The following TMEM135 variants were observed in gnomAD, a reference collection of about 807,000 sequenced individuals.
The protein encoded by TMEM135 is peroxisomal membrane protein 52.
In TMEM135, 30 loss-of-function variants were observed where a neutral mutation model predicts 60.3. That is an observed-to-expected ratio of 0.50 (90% CI 0.37 to 0.68). TMEM135 has a LOEUF of 0.68. Ranked by LOEUF, TMEM135 falls within the 30% of genes least tolerant of loss-of-function variation. The pLI is 0.00. For synonymous variants in TMEM135, 190 were observed against 186.7 expected, an observed-to-expected ratio of 1.02 and a Z score of -0.14; for missense variants, 468 against 548.8, an observed-to-expected ratio of 0.85 and a Z score of 1.47.
intron 1 of TMEM135, among the ~76,000 whole-genome samples, chr11:87,062,663 C>G (rs1172172479): frequency 6.7e-6 from 1 of 149,446 alleles, no homozygotes; most frequent in Non-Finnish European, 1.5e-5. Context: ...TGGGATTTCA[C>G]CATCTTGGCC....
chr11:87,223,954 G>C (rs1940710443), intron 5 of TMEM135, among the ~76,000 whole-genome samples: 1 of 152,278 alleles, frequency 6.6e-6, no homozygotes, highest in East Asian at 1.9e-4. Flanking sequence ...AGAGGAATTT[G>C]CAGCTGGATA....
At chr11:87,105,193 G>A (rs780398442) in intron 4 of TMEM135, among the ~76,000 whole-genome samples, 2 of 152,170 alleles carry the variant, frequency 1.3e-5, no homozygotes, top group Non-Finnish European at 2.9e-5. Flanking sequence ...CTGCTAATGT[G>A]GCATATCACA....
chr11:87,265,449 A>T (rs1245122173), intron 6 of TMEM135, among the ~76,000 whole-genome samples: 1 of 151,964 alleles, frequency 6.6e-6, no homozygotes, highest in African/African-American at 2.4e-5. Context: ...TTACATATAA[A>T]TTGAGTCTAT....
At chr11:87,042,610 G>C (rs1198825692) in intron 1 of TMEM135, among the ~76,000 whole-genome samples, 2 of 151,988 alleles carry the variant, frequency 1.3e-5, no homozygotes. Context: ...TTCATTTTGT[G>C]GTATTGTATT....
chr11:87,229,315 A>G (rs1940836025), intron 5 of TMEM135, among the ~76,000 whole-genome samples: 1 of 152,014 alleles, frequency 6.6e-6, no homozygotes, highest in South Asian at 2.1e-4. Context: ...AGTTTAACCA[A>G]CCAACCAGCC....
intron 4 of TMEM135, among the ~76,000 whole-genome samples, chr11:87,153,497 T>C (rs376559131): frequency 3.5e-4 from 54 of 152,360 alleles, no homozygotes; most frequent in African/African-American, 1.3e-3. Flanking sequence ...GCTATTCACT[T>C]TCTGGTTTCA....
chr11:87,160,807 A>T (rs752863598), intron 5 of TMEM135, among the ~76,000 whole-genome samples: 1 of 152,222 alleles, frequency 6.6e-6, no homozygotes, highest in South Asian at 2.1e-4. Flanking sequence ...ATGTTTAACT[A>T]TGGTGATGTT....
intron 5 of TMEM135, among the ~76,000 whole-genome samples, chr11:87,172,057 A>G (rs75727467): frequency 0.021 from 3,179 of 152,180 alleles, 35 homozygotes; most frequent in South Asian, 0.032. Flanking sequence ...CCTGTGCTTA[A>G]TTAAGCCTTT....
intron 10 of TMEM135, among the ~76,000 whole-genome samples, chr11:87,311,927 T>G (rs1183690193): frequency 6.6e-6 from 1 of 151,912 alleles, no homozygotes; most frequent in Non-Finnish European, 1.5e-5. Context: ...AAATTATTGT[T>G]TGATGTTATA....
chr11:87,269,361 A>G (rs979996893), intron 6 of TMEM135, among the ~76,000 whole-genome samples: 2 of 134,112 alleles, frequency 1.5e-5, no homozygotes, highest in African/African-American at 5.7e-5. Flanking sequence ...AATTATTATC[A>G]TACTTTAAGT....
Position 87,327,976 on chromosome 11 carries a change from C to G in TMEM135, c.*6643C>G, listed in dbSNP as rs904753950. ...GAGGGCAGATCTTCTCTGCCTAGTCCACGCTAACTCACATGCCAATCTCCT... is the reference window on the plus strand; with the variant it reads ...GAGGGCAGATCTTCTCTGCCTAGTCGACGCTAACTCACATGCCAATCTCCT... On this transcript the variant is annotated 3_prime_UTR_variant, in exon 15 of 15. Coordinates refer to ENST00000305494, the MANE Select transcript of TMEM135 (RefSeq NM_022918.4). 4.4e-6 allele frequency: 2 copies of G among 453,888 alleles called. No homozygotes were observed. The highest frequency in any genetic ancestry group is 2.0e-5 in the African/African-American group (1 of 49,966). The allele number at this position is 453,888 out of a possible 1,614,324, so 28.1% of individuals were successfully genotyped here.
chr11:87,138,072 A>G (rs1938153229), intron 4 of TMEM135, among the ~76,000 whole-genome samples: 1 of 150,190 alleles, frequency 6.7e-6, no homozygotes, highest in Non-Finnish European at 1.5e-5. Context: ...GATGTTTAAA[A>G]AGACCAAGTT....
intron 5 of TMEM135, among the ~76,000 whole-genome samples, chr11:87,169,115 A>G (rs939811080): frequency 1.3e-5 from 2 of 151,578 alleles, no homozygotes; most frequent in Admixed American, 1.3e-4. Flanking sequence ...AGAGACTAGG[A>G]TTGCAAACCT....
intron 4 of TMEM135, among the ~76,000 whole-genome samples, chr11:87,134,358 A>T (rs1938027409): frequency 6.6e-6 from 1 of 152,214 alleles, no homozygotes; most frequent in Non-Finnish European, 1.5e-5. Context: ...ATCTCCAAAT[A>T]CAGTTACATT....
intron 6 of TMEM135, among the ~76,000 whole-genome samples, chr11:87,285,573 A>G (rs1293371371): frequency 6.6e-6 from 1 of 151,508 alleles, no homozygotes; most frequent in South Asian, 2.1e-4. Flanking sequence ...TGTTCATTCC[A>G]CCTGTTGGGT....
Position 87,325,180 on chromosome 11 carries a change from T to C in TMEM135, c.*3847T>C, listed in dbSNP as rs909675457. On this transcript the variant is annotated 3_prime_UTR_variant, in exon 15 of 15. Transcript: ENST00000305494. ...TTCTAGGGCTTTGTAGTACTATGTTTCTGTTTAAAGTAGTGGCCTCAGGTG... is the reference window on the plus strand; with the variant it reads ...TTCTAGGGCTTTGTAGTACTATGTTCCTGTTTAAAGTAGTGGCCTCAGGTG... The C allele has an allele frequency of 4.4e-6, 2 of 453,940 alleles. No homozygotes were observed. Among genetic ancestry groups the C allele is most frequent in the African/African-American group, 2.0e-5 (1 of 49,980 alleles). 28.1% of individuals were successfully genotyped at this position (453,940 alleles called of 1,614,324 possible).
In TMEM135 at chr11:87,322,269, T is replaced by C. The variant is rs1942835523; in HGVS notation, c.*936T>C. The C allele has an allele frequency of 2.2e-6, 1 of 454,302 alleles. No individual in the cohort carries two copies. The highest frequency in any genetic ancestry group is 2.0e-5 in the African/African-American group (1 of 50,130). 28.1% of individuals were successfully genotyped at this position (454,302 alleles called of 1,614,324 possible). ...AAAGTAGTCTTGGCAAGTTGGCAGT[T>C]TGTGTCCTCTCAGCTGTTTAACTTA... On this transcript the variant is annotated 3_prime_UTR_variant, in exon 15 of 15. Coordinates refer to ENST00000305494, the MANE Select transcript of TMEM135 (RefSeq NM_022918.4).
intron 10 of TMEM135, 29 bp downstream of exon 10, chr11:87,309,701 TG>T (rs1565166743): frequency 1.2e-6 from 2 of 1,608,142 alleles, no homozygotes; most frequent in Non-Finnish European, 1.7e-6. Context: ...GAAAGAAAAA[TG>T]GGAAATAAAT....
rs1456429301 is a variant in TMEM135 at position 87,143,017 on chromosome 11, C to T, written c.397-14324C>T. 6.6e-5 allele frequency among the ~76,000 whole-genome samples: 10 copies of T among 151,232 alleles called. No homozygotes were observed. In the East Asian group the frequency reaches 1.2e-3, roughly 18 times the overall value. On this transcript the variant is annotated intron_variant, in intron 4 of 14. Transcript: ENST00000305494. ...CATTTCTCTTCAGTCTTTTTTTCCT[C>T]GATCTTCTTCAAATTAGAAATTTCT...
Sources: gnomAD v4.1 joint callset for allele counts (sites outside exome capture counted in the v4.1 genomes callset) on GRCh38, gnomAD v4.1.1 for gene constraint, MANE v1.5 for transcripts, NCBI Gene and HGNC (gene_info 2026-07-23, HGNC 2026-07-21) for gene names.